PDZD2: variants seen among roughly 807,000 people sequenced by gnomAD.
PDZD2 encodes the protein PDZ domain-containing protein 2.
In PDZD2, 90 loss-of-function variants were observed where a neutral mutation model predicts 220.7. The observed-to-expected ratio is 0.41, with a 90% CI of 0.34 to 0.49. The LOEUF is 0.49. PDZD2 is among the 20% of genes least tolerant of loss of function. The pLI is 0.28. For synonymous variants in PDZD2, 1,375 were observed against 1,450.5 expected (o/e 0.95, Z 1.18); for missense variants, 3,174 against 3,608.5 (o/e 0.88, Z 3.08).
At chr5:32,054,078 T>C (rs1738851252) in intron 10 of PDZD2, among the ~76,000 whole-genome samples, 195 bp downstream of exon 10, 1 of 152,266 alleles carries the variant, frequency 6.6e-6, no homozygotes, top group South Asian at 2.1e-4. Context: ...GAAGAGTCGT[T>C]GTCAGGATTA....
At chr5:31,933,859 A>G (rs1438195501) in intron 2 of PDZD2, among the ~76,000 whole-genome samples, 1 of 152,214 alleles carries the variant, frequency 6.6e-6, no homozygotes, top group Non-Finnish European at 1.5e-5. Context: ...CAAGGTGGAC[A>G]CGAAGAAGGC....
At chr5:32,070,766 C>A (rs901565256) in intron 15 of PDZD2, among the ~76,000 whole-genome samples, 1 of 152,248 alleles carries the variant, frequency 6.6e-6, no homozygotes, top group Non-Finnish European at 1.5e-5. Context: ...GAGGCCAAGG[C>A]GGGCAGATCA....
chr5:32,053,971 G>A, intron 10 of PDZD2, 88 bp downstream of exon 10: 2 of 781,678 alleles, frequency 2.6e-6, no homozygotes, highest in Non-Finnish European at 4.6e-6. Context: ...GAATGCCACA[G>A]TACCTAGTAG....
chr5:32,046,548 T>C (rs1228372672), intron 7 of PDZD2, among the ~76,000 whole-genome samples: 1 of 152,000 alleles, frequency 6.6e-6, no homozygotes, highest in Non-Finnish European at 1.5e-5. Context: ...CAGCCTAAAT[T>C]GTTACTATAG....
At chr5:31,928,427 A>G (rs1256534364) in intron 2 of PDZD2, among the ~76,000 whole-genome samples, 3 of 152,222 alleles carry the variant, frequency 2.0e-5, no homozygotes, top group African/African-American at 7.2e-5. Flanking sequence ...TTCCCAAAAT[A>G]TAGAATGTAT....
intron 1 of PDZD2, among the ~76,000 whole-genome samples, chr5:31,766,326 T>TA (rs1215958529): frequency 3.9e-5 from 6 of 152,062 alleles, no homozygotes; most frequent in Non-Finnish European, 7.4e-5. Flanking sequence ...GATGCTAATA[T>TA]AAAAAAAGAA....
At chr5:32,035,613 G>A (rs1208746858) in intron 6 of PDZD2, among the ~76,000 whole-genome samples, 2 of 152,036 alleles carry the variant, frequency 1.3e-5, no homozygotes, top group Admixed American at 1.3e-4. Flanking sequence ...TGGGACTACA[G>A]GCACCCGCCA....
In PDZD2 at chr5:31,704,305, A is replaced by G. The variant is rs1188986826; in HGVS notation, c.-361+64868A>G. Among the ~76,000 whole-genome samples the G allele has an allele frequency of 2.6e-5, 4 of 152,188 alleles. No individual in the cohort carries two copies. The East Asian group carries it at 5.8e-4, about 22-fold the overall frequency. On this transcript the variant is annotated intron_variant, in intron 1 of 24. Coordinates refer to ENST00000438447, the MANE Select transcript of PDZD2 (RefSeq NM_178140.4). ...CAAGATTACAGGCATGAGCCACTGCATCGGGCCAATACTGTTCATTTCTAA... is the reference window on the plus strand; with the variant it reads ...CAAGATTACAGGCATGAGCCACTGCGTCGGGCCAATACTGTTCATTTCTAA...
At chr5:31,816,486 G>A (rs547747333) in intron 2 of PDZD2, among the ~76,000 whole-genome samples, 2 of 152,112 alleles carry the variant, frequency 1.3e-5, no homozygotes, top group African/African-American at 4.8e-5. Context: ...CTTTTCGAAA[G>A]AAAGTCATGC....
chr5:31,957,188 C>T (rs531767859), intron 2 of PDZD2, among the ~76,000 whole-genome samples: 1 of 152,346 alleles, frequency 6.6e-6, no homozygotes, highest in African/African-American at 2.4e-5. Flanking sequence ...GGGCATGAGC[C>T]ACCATGCCTG....
In PDZD2 at chr5:31,879,170, G is replaced by A. The variant is rs185305799; in HGVS notation, c.476+79446G>A. ...TGGGAGGCCGAGGCGGGCGGATCAC[G>A]AGGTCAAGAGATCGAGACCATCCTG... On this transcript the variant is annotated intron_variant, in intron 2 of 24. Coordinates refer to ENST00000438447, the MANE Select transcript of PDZD2 (RefSeq NM_178140.4). Among the ~76,000 whole-genome samples the A allele has an allele frequency of 2.5e-3, 379 of 151,890 alleles. 3 individuals carry two copies. Among genetic ancestry groups the A allele is most frequent in the African/African-American group, 9.0e-3 (372 of 41,486 alleles).
At chr5:31,683,426 C>T (rs757025042) in intron 1 of PDZD2, among the ~76,000 whole-genome samples, 2 of 151,820 alleles carry the variant, frequency 1.3e-5, no homozygotes, top group African/African-American at 2.4e-5. Context: ...ATAATTTCAC[C>T]GTTCAAATAG....
At chr5:31,950,501 T>A (rs1054124996) in intron 2 of PDZD2, among the ~76,000 whole-genome samples, 1 of 152,162 alleles carries the variant, frequency 6.6e-6, no homozygotes, top group Non-Finnish European at 1.5e-5. Flanking sequence ...GAGTTGAGTA[T>A]TTTTTTATTA....
intron 1 of PDZD2, among the ~76,000 whole-genome samples, chr5:31,687,845 G>A (rs909056177): frequency 1.3e-5 from 2 of 152,036 alleles, no homozygotes; most frequent in Non-Finnish European, 1.5e-5. Context: ...ATTGGATCAG[G>A]GTCCCACTCT....
chr5:31,840,540 C>T, intron 2 of PDZD2: 1 of 649,628 alleles, frequency 1.5e-6, no homozygotes, highest in Non-Finnish European at 2.8e-6. Context: ...CAGGCTCCTT[C>T]CCACTGGTTC....
chr5:32,064,467 T>C (rs1001813108), intron 14 of PDZD2, among the ~76,000 whole-genome samples: 1 of 151,970 alleles, frequency 6.6e-6, no homozygotes, highest in Non-Finnish European at 1.5e-5. Context: ...GGTCTCGAAC[T>C]CCTAACCTCA....
chr5:31,892,660 C>T (rs6882708), intron 2 of PDZD2, among the ~76,000 whole-genome samples: 34,503 of 149,060 alleles, frequency 0.23, 4,186 homozygotes, highest in South Asian at 0.35. Context: ...CTCGACATCC[C>T]GGACTCAAGT....
intron 1 of PDZD2, among the ~76,000 whole-genome samples, chr5:31,685,974 G>A (rs1044519975): frequency 1.3e-5 from 2 of 151,936 alleles, no homozygotes; most frequent in African/African-American, 4.8e-5. Flanking sequence ...GCCAAGGTGG[G>A]CGGATCACAG....
In PDZD2 at chr5:31,983,497, CAAG is replaced by C. The variant is rs1281121040; in HGVS notation, c.820_822del (p.Lys274del). 33 of 1,614,092 alleles carry C rather than the reference CAAG, an allele frequency of 2.0e-5. No individual in the cohort carries two copies. Among genetic ancestry groups the C allele is most frequent in the Non-Finnish European group, 2.8e-5 (33 of 1,180,042 alleles). On this transcript the variant is annotated inframe_deletion, in exon 3 of 25. Coordinates refer to ENST00000438447, the MANE Select transcript of PDZD2 (RefSeq NM_178140.4). ...AGCTAGAAAATGGCCCAGATTCTCT[CAAG>C]GAGGTGGCTGGACCCCATCTAGAGA...
Sources: allele counts gnomAD v4.1 joint callset (sites outside exome capture counted in the v4.1 genomes callset), GRCh38; gene constraint gnomAD v4.1.1; transcripts MANE v1.5; gene names NCBI Gene and HGNC (gene_info 2026-07-23, HGNC 2026-07-21).